GPC6: variants seen among roughly 807,000 people sequenced by gnomAD.
GPC6 encodes glypican-6.
A neutral mutation model predicts 55.2 loss-of-function variants in GPC6; 14 were observed. That is an observed-to-expected ratio of 0.25 (90% CI 0.17 to 0.40). The LOEUF (loss-of-function observed/expected upper bound fraction) is 0.40. GPC6 is among the 10% of genes least tolerant of loss of function. The pLI is 1.00. For synonymous variants in GPC6, 278 were observed against 259.6 expected (o/e 1.07, Z -0.68); for missense variants, 641 against 708.5 (o/e 0.90, Z 1.08).
chr13:93,881,625 A>G lies in GPC6; in HGVS notation c.711+51080A>G, dbSNP rs556977030. Among the ~76,000 whole-genome samples, 85 of 152,208 alleles carry G rather than the reference A, an allele frequency of 5.6e-4. No homozygotes were observed. In the South Asian group the frequency reaches 8.1e-3, roughly 14 times the overall value. ...GCTGCTAGGCCCTCTCAGTGGACAG[A>G]GCTAGGAAATGTATGAGTGTTTAGT... is the stretch of plus-strand genomic sequence containing the variant. On this transcript the variant is annotated intron_variant, in intron 3 of 8. Coordinates refer to ENST00000377047, the MANE Select transcript of GPC6 (RefSeq NM_005708.5).
At chr13:93,629,800 G>A (rs1432128806) in intron 2 of GPC6, among the ~76,000 whole-genome samples, 23 of 152,060 alleles carry the variant, frequency 1.5e-4, no homozygotes, top group Admixed American at 1.5e-3. Flanking sequence ...CAAATTCACA[G>A]CATTCCTTTT....
chr13:94,082,744 T>C (rs1885144071), intron 4 of GPC6, among the ~76,000 whole-genome samples: 1 of 152,206 alleles, frequency 6.6e-6, no homozygotes, highest in Admixed American at 6.5e-5. Flanking sequence ...TTATTTGATA[T>C]TTAGAAGTAG....
At chr13:93,836,677 T>C (rs1237955087) in intron 3 of GPC6, among the ~76,000 whole-genome samples, 1 of 152,224 alleles carries the variant, frequency 6.6e-6, no homozygotes. Context: ...TGCTGTCTTA[T>C]GATGGTATTT....
intron 2 of GPC6, among the ~76,000 whole-genome samples, chr13:93,775,411 T>C: frequency 6.6e-6 from 1 of 152,194 alleles, no homozygotes; most frequent in East Asian, 1.9e-4. Context: ...GTTTCGTATC[T>C]GAGATTTGAG....
chr13:94,147,101 A>G (rs757307419), intron 4 of GPC6, among the ~76,000 whole-genome samples: 22 of 152,146 alleles, frequency 1.4e-4, no homozygotes, highest in Admixed American at 3.9e-4. Flanking sequence ...ATACAGAATG[A>G]CCAATGCCAG....
intron 1 of GPC6, among the ~76,000 whole-genome samples, chr13:93,380,121 T>C (rs1875096483): frequency 6.6e-6 from 1 of 152,120 alleles, no homozygotes; most frequent in African/African-American, 2.4e-5. Flanking sequence ...TCTCTGATTG[T>C]CTATGCTTAT....
At chr13:93,554,940 A>C (rs745699206) in intron 2 of GPC6, among the ~76,000 whole-genome samples, 3 of 152,196 alleles carry the variant, frequency 2.0e-5, no homozygotes, top group Non-Finnish European at 4.4e-5. Context: ...TGGGAAAACT[A>C]TATATAGTAG....
At chr13:93,818,630 T>C (rs1166306193) in intron 2 of GPC6, 1 of 152,060 alleles carries the variant, frequency 6.6e-6, no homozygotes, top group African/African-American at 2.4e-5. Context: ...TGAGAGAGAG[T>C]GCTGGGTGCT....
At chr13:93,710,696 CCCA>C (rs77616187) in intron 2 of GPC6, among the ~76,000 whole-genome samples, 1 of 147,598 alleles carries the variant, frequency 6.8e-6, no homozygotes, top group African/African-American at 2.6e-5. Context: ...AGTCCCCCCC[CCCA>C]AAAAAAATAT....
chr13:93,692,096 A>G (rs1241402628), intron 2 of GPC6, among the ~76,000 whole-genome samples: 10 of 152,088 alleles, frequency 6.6e-5, no homozygotes, highest in Admixed American at 6.6e-4. Context: ...CGGTTAGTAA[A>G]TAAAGTTGCT....
At chr13:93,453,909 C>T (rs571005783) in intron 1 of GPC6, among the ~76,000 whole-genome samples, 2 of 152,282 alleles carry the variant, frequency 1.3e-5, no homozygotes, top group South Asian at 2.1e-4. Flanking sequence ...CCACTGCTGG[C>T]TCCCGCAGCC....
chr13:94,120,752 G>A lies in GPC6; in HGVS notation c.877+92858G>A, dbSNP rs149393944. 5.3e-5 allele frequency among the ~76,000 whole-genome samples: 8 copies of A among 152,238 alleles called. No homozygotes were observed. The East Asian group carries it at 1.5e-3, about 29-fold the overall frequency. The stretch of plus-strand genomic sequence containing the variant: ...AAATTGAGAGTGTTTTAGTAGGAAA[G>A]ACAAACACTAAGATGTGGGGAAAGG... On this transcript the variant is annotated intron_variant, in intron 4 of 8. Coordinates refer to ENST00000377047, the MANE Select transcript of GPC6 (RefSeq NM_005708.5).
rs570379757 is a variant in GPC6 at position 94,132,206 on chromosome 13, A to T, written c.877+104312A>T. 2.0e-5 allele frequency among the ~76,000 whole-genome samples: 3 copies of T among 152,266 alleles called. No homozygotes were observed. In the South Asian group the frequency reaches 6.2e-4, roughly 32 times the overall value. On this transcript the variant is annotated intron_variant, in intron 4 of 8. Transcript: ENST00000377047. Reference sequence around the variant, plus strand: ...TACCACAGAATTGATGGCACTAATAACTTCTTGAGGGTGATTCTAGCTGAG... The same window carrying T: ...TACCACAGAATTGATGGCACTAATATCTTCTTGAGGGTGATTCTAGCTGAG...
At chr13:94,339,187 C>A (rs1017557913) in intron 6 of GPC6, among the ~76,000 whole-genome samples, 1 of 152,064 alleles carries the variant, frequency 6.6e-6, no homozygotes, top group African/African-American at 2.4e-5. Flanking sequence ...GCCTCAGCCC[C>A]ACAAGTAGCT....
chr13:94,131,452 A>T (rs1593966280), intron 4 of GPC6, among the ~76,000 whole-genome samples: 1 of 152,302 alleles, frequency 6.6e-6, no homozygotes, highest in African/African-American at 2.4e-5. Context: ...CATTCTGGGA[A>T]CATTTTGTTA....
intron 3 of GPC6, among the ~76,000 whole-genome samples, chr13:93,917,969 T>C (rs1162216434): frequency 6.6e-6 from 1 of 151,928 alleles, no homozygotes; most frequent in Non-Finnish European, 1.5e-5. Flanking sequence ...TGGTGGCACA[T>C]GCCTGTAACC....
chr13:93,994,133 A>G (rs986559013), intron 3 of GPC6, among the ~76,000 whole-genome samples: 1 of 152,162 alleles, frequency 6.6e-6, no homozygotes, highest in African/African-American at 2.4e-5. Flanking sequence ...AGTTAATATA[A>G]ATAAATTATA....
chr13:93,824,391 A>G (rs184814726), intron 2 of GPC6, among the ~76,000 whole-genome samples: 23 of 152,342 alleles, frequency 1.5e-4, no homozygotes, highest in Non-Finnish European at 3.2e-4. Context: ...ACTCTAATGT[A>G]GCATGCTGGG....
At chr13:93,471,365 A>C (rs1420992233) in intron 1 of GPC6, among the ~76,000 whole-genome samples, 4 of 150,058 alleles carry the variant, frequency 2.7e-5, no homozygotes, top group African/African-American at 9.7e-5. Context: ...ATACAAAAAA[A>C]AAAAAAAAAA....
Sources: allele counts gnomAD v4.1 joint callset (sites outside exome capture counted in the v4.1 genomes callset), GRCh38; gene constraint gnomAD v4.1.1; transcripts MANE v1.5; gene names NCBI Gene and HGNC (gene_info 2026-07-23, HGNC 2026-07-21).